The following TEKT2 variants were observed in gnomAD, a reference collection of about 807,000 sequenced individuals.
TEKT2 encodes the protein tektin 2.
A neutral mutation model predicts 49.8 loss-of-function variants in TEKT2; 45 were observed. The observed-to-expected ratio is 0.90, with a 90% CI of 0.71 to 1.16. The LOEUF (loss-of-function observed/expected upper bound fraction) is 1.16, where lower values mean the gene tolerates loss of function less well. Among genes scored for constraint, TEKT2 ranks in the 50% most tolerant of loss-of-function variants. TEKT2 has a pLI of 0.00. For synonymous variants in TEKT2, 202 were observed against 224.6 expected, an observed-to-expected ratio of 0.90 and a Z score of 0.90; for missense variants, 523 against 551.4, an observed-to-expected ratio of 0.95 and a Z score of 0.52.
Position 36,086,850 on chromosome 1 carries a change from A to G in TEKT2, c.632+3A>G. Reference sequence around the variant, plus strand: ...GACCCCACACGTGTACCTGATGGGTAAGAAGAGTGTTTCAGCCAGTCTCTT... The same window carrying G: ...GACCCCACACGTGTACCTGATGGGTGAGAAGAGTGTTTCAGCCAGTCTCTT... On this transcript the variant is annotated splice_donor_region_variant and intron_variant, in intron 5 of 9. Transcript: ENST00000207457. 1.2e-6 allele frequency: 2 copies of G among 1,614,122 alleles called. No individual in the cohort carries two copies. The highest frequency in any genetic ancestry group is 1.7e-6 in the Non-Finnish European group (2 of 1,180,026).
intron 4 of TEKT2, among the ~76,000 whole-genome samples, 157 bp downstream of exon 4, chr1:36,086,198 C>T (rs930196390): frequency 7.9e-5 from 12 of 152,204 alleles, no homozygotes; most frequent in African/African-American, 2.9e-4. Flanking sequence ...AATTGTAGCA[C>T]TCTTCCCACT....
chr1:36,088,128 C>T lies in TEKT2; in HGVS notation c.1235C>T (p.Thr412Ile). 4 of 1,613,096 alleles carry T rather than the reference C, an allele frequency of 2.5e-6. No homozygotes were observed. Among genetic ancestry groups the T allele is most frequent in the Non-Finnish European group, 3.4e-6 (4 of 1,180,016 alleles). Reference protein sequence around the residue: ...ERFVPEVDTFTRTTNSTLSPL... With the variant: ...ERFVPEVDTFIRTTNSTLSPL... ...TTCGTGCCTGAGGTGGACACCTTCA[C>T]ACGTACCACAAATAGCACCCTGAGT... The change falls in exon 10 of 10, where the codon ACA becomes ATA. Residue 412 changes from threonine to isoleucine, a missense_variant. Physicochemically the swap from Thr to Ile is moderately conservative, Grantham distance 89. Coordinates refer to ENST00000207457, the MANE Select transcript of TEKT2 (RefSeq NM_014466.3).
chr1:36,085,815 C>G, intron 3 of TEKT2, 21 bp from the exon 4 acceptor site: 3 of 1,608,672 alleles, frequency 1.9e-6, no homozygotes, highest in Non-Finnish European at 2.5e-6. Context: ...CCACCGTGCC[C>G]GGCCGCGCCC....
rs140991291 is a variant in TEKT2, at chr1:36,086,704, C to A, written c.489C>A (p.Cys163Ter). ...QKVSQAFEQL[C>*]LLQEVQQQLN... Reference sequence around the variant, plus strand: ...CTGATGGAGTCTGCGCTTTCCCCAGCCTCTTGCAGGAAGTCCAACAGCAGC... The same window carrying A: ...CTGATGGAGTCTGCGCTTTCCCCAGACTCTTGCAGGAAGTCCAACAGCAGC... Residue 163 changes from cysteine to a stop codon, truncating the protein, a stop_gained and splice_region_variant, in exon 5 of 10, where the codon TGC (cysteine) becomes TGA (stop). Coordinates refer to ENST00000207457, the MANE Select transcript of TEKT2 (RefSeq NM_014466.3). LOFTEE classifies it high-confidence loss of function. The A allele has an allele frequency of 1.5e-5, 24 of 1,614,074 alleles. 1 individual carries two copies. In the African/African-American group the frequency reaches 2.4e-4, roughly 16 times the overall value.
chr1:36,085,772 G>A (rs1643362082), intron 3 of TEKT2, 64 bp from the exon 4 acceptor site: 7 of 1,523,404 alleles, frequency 4.6e-6, no homozygotes, highest in African/African-American at 1.4e-5. Flanking sequence ...CATCCAACTC[G>A]GCCTCCCGAA....
At chr1:36,085,567 T>A (rs1324067222) in intron 3 of TEKT2, 2 of 520,876 alleles carry the variant, frequency 3.8e-6, no homozygotes, top group African/African-American at 4.3e-5. Flanking sequence ...CAGGCTGGAG[T>A]GCAGTGGTGT....
intron 4 of TEKT2, among the ~76,000 whole-genome samples, 170 bp downstream of exon 4, chr1:36,086,211 C>T (rs1045913288): frequency 6.6e-6 from 1 of 152,198 alleles, no homozygotes; most frequent in East Asian, 1.9e-4. Context: ...TTCCCACTGC[C>T]TGGACATGGG....
chr1:36,084,485 G>A lies in TEKT2; in HGVS notation c.-53+336G>A, dbSNP rs1643335546. On this transcript the variant is annotated intron_variant, in intron 1 of 9. Coordinates refer to ENST00000207457, the MANE Select transcript of TEKT2 (RefSeq NM_014466.3). This position sits in a 1 kb window ranked among gnomAD's most constrained non-coding sequence, Gnocchi z 4.1. ...CACGGGGACTGGCCCGCAGCCTGGG[G>A]AAGAAAGGAAAGGAAGATCAACAAG... 5 of 272,614 alleles carry A rather than the reference G, an allele frequency of 1.8e-5. No individual in the cohort carries two copies. Among genetic ancestry groups the A allele is most frequent in the East Asian group, 9.8e-5 (1 of 10,254 alleles). The allele number at this position is 272,614 out of a possible 1,614,324, so 16.9% of individuals were successfully genotyped here. A position where few individuals can be genotyped will look rare whatever the true frequency, so the allele number is the denominator to read the frequency against.
At chr1:36,085,364 C>T in intron 3 of TEKT2, 76 bp downstream of exon 3, 2 of 1,605,332 alleles carry the variant, frequency 1.2e-6, no homozygotes, top group Non-Finnish European at 1.7e-6. Context: ...GTTGAGAAGC[C>T]CTTGATGGGG....
chr1:36,084,776 A>T lies in TEKT2; in HGVS notation c.-52-94A>T. The T allele has an allele frequency of 1.6e-6, 2 of 1,252,914 alleles. No homozygotes were observed. Among genetic ancestry groups the T allele is most frequent in the Non-Finnish European group, 2.3e-6 (2 of 864,810 alleles). 77.6% of individuals were successfully genotyped at this position (1,252,914 alleles called of 1,614,324 possible). A position where few individuals can be genotyped will look rare whatever the true frequency, so the allele number is the denominator to read the frequency against. ...GCAGGCTTCCAGCAGGACAGGGCTC[A>T]GAGCAAAATGGACAGGAACAAGTCC... On this transcript the variant is annotated intron_variant, in intron 1 of 9. Coordinates refer to ENST00000207457, the MANE Select transcript of TEKT2 (RefSeq NM_014466.3). The surrounding 1 kb of genome is among the most constrained non-coding windows in gnomAD (Gnocchi z 4.1).
chr1:36,087,928 T>C lies in TEKT2; in HGVS notation c.1080-45T>C. ...GAAGGCTATGCACGCAGCCCAGGCC[T>C]CCCAGCCTCATGGGGGCTGGGGGGT... On this transcript the variant is annotated intron_variant, in intron 9 of 9. Coordinates refer to ENST00000207457, the MANE Select transcript of TEKT2 (RefSeq NM_014466.3). This position sits in a 1 kb window ranked among gnomAD's most constrained non-coding sequence, Gnocchi z 4.9. 1 of 1,590,826 alleles carries C rather than the reference T, an allele frequency of 6.3e-7. No individual in the cohort carries two copies. The highest frequency in any genetic ancestry group is 8.6e-7 in the Non-Finnish European group (1 of 1,167,284).
At position 36,085,025 on chromosome 1, in the gene TEKT2, C is replaced by T; in HGVS notation, c.104C>T (p.Ser35Phe). The change falls in exon 2 of 10, where the codon TCC (serine) becomes TTC (phenylalanine). Residue 35 changes from serine to phenylalanine, a missense_variant. Transcript: ENST00000207457. ...STNAQLQRDA[S>F]HQIRQEARVL... is the part of the protein sequence containing the mutation. ...AATGCCCAGCTGCAGCGAGATGCTTCCCATCAGATCCGCCAGGAGGCCCGG... is the reference window on the plus strand; with the variant it reads ...AATGCCCAGCTGCAGCGAGATGCTTTCCATCAGATCCGCCAGGAGGCCCGG... The T allele has an allele frequency of 6.2e-7, 1 of 1,614,098 alleles. No individual in the cohort carries two copies. The highest frequency in any genetic ancestry group is 8.5e-7 in the Non-Finnish European group (1 of 1,180,046).
rs762793938 is a variant in TEKT2, at chr1:36,087,603, C to T, written c.999+21C>T. ...ACCAGGTGAGAGGGTGTCCCAGTGG[C>T]GCACGGGCCCCCTAGCCAAGGTTTT... On this transcript the variant is annotated intron_variant, in intron 8 of 9. Coordinates refer to ENST00000207457, the MANE Select transcript of TEKT2 (RefSeq NM_014466.3). This position sits in a 1 kb window ranked among gnomAD's most constrained non-coding sequence, Gnocchi z 4.9. The T allele has an allele frequency of 2.0e-5, 33 of 1,613,492 alleles. No individual in the cohort carries two copies. Among genetic ancestry groups the T allele is most frequent in the Middle Eastern group, 1.6e-4 (1 of 6,084 alleles).
chr1:36,087,711 A>C lies in TEKT2; in HGVS notation c.1000-17A>C, dbSNP rs1643406167. On this transcript the variant is annotated splice_polypyrimidine_tract_variant and intron_variant, in intron 8 of 9. Transcript: ENST00000207457. This position sits in a 1 kb window ranked among gnomAD's most constrained non-coding sequence, Gnocchi z 4.9. ...ACAGTGTGGCTGACTTGGAACTCCC[A>C]ACCCCTCTGCCTCCAGGCACAGTAC... 3.1e-6 allele frequency: 5 copies of C among 1,613,280 alleles called. No individual in the cohort carries two copies. Among genetic ancestry groups the C allele is most frequent in the Middle Eastern group, 1.6e-4 (1 of 6,082 alleles).
Position 36,087,087 on chromosome 1 carries a change from C to T in TEKT2, c.747+42C>T, listed in dbSNP as rs751061899. 6.2e-7 allele frequency: 1 copy of T among 1,608,462 alleles called. No individual in the cohort carries two copies. The highest frequency in any genetic ancestry group is 8.5e-7 in the Non-Finnish European group (1 of 1,176,164). On this transcript the variant is annotated intron_variant, in intron 6 of 9. Coordinates refer to ENST00000207457, the MANE Select transcript of TEKT2 (RefSeq NM_014466.3). The surrounding 1 kb of genome is among the most constrained non-coding windows in gnomAD (Gnocchi z 4.9). ...AGCTAATGGATGGTCCCAGTGTGCG[C>T]TCAGCCCTTATCTTCTGTTCCCTGC...
intron 4 of TEKT2, 36 bp downstream of exon 4, chr1:36,086,077 C>A: frequency 6.5e-7 from 1 of 1,548,534 alleles, no homozygotes; most frequent in Middle Eastern, 1.7e-4. Context: ...TGTTCATGGG[C>A]CCCTGGAGGC....
chr1:36,086,823 T>G lies in TEKT2; in HGVS notation c.608T>G (p.Val203Gly), dbSNP rs201956071. Residue 203 changes from valine to glycine, a missense_variant, in exon 5 of 10, where the codon GTT (valine) becomes GGT (glycine). Transcript: ENST00000207457. ...AGATCCCCAAACATCTCGCTGAAGG[T>G]TGACCCCACACGTGTACCTGATGGG... Reference protein sequence around the residue: ...NLRSPNISLKVDPTRVPDGST... With the variant: ...NLRSPNISLKGDPTRVPDGST... 2.5e-6 allele frequency: 4 copies of G among 1,614,112 alleles called. No homozygotes were observed. In the East Asian group the frequency reaches 8.9e-5, roughly 36 times the overall value.
chr1:36,086,005 T>C lies in TEKT2; in HGVS notation c.452T>C (p.Leu151Ser). 1 of 1,602,670 alleles carries C rather than the reference T, an allele frequency of 6.2e-7. No homozygotes were observed. ...VEVIEATKKA[L>S]QQKVSQAFEQ... Reference sequence around the variant, plus strand: ...GTCATCGAGGCCACCAAGAAGGCCTTGCAACAGAAGGTCAGCCAGGCCTTC... The same window carrying C: ...GTCATCGAGGCCACCAAGAAGGCCTCGCAACAGAAGGTCAGCCAGGCCTTC... Residue 151 changes from leucine (L) to serine (S), a missense_variant, in exon 4 of 10, where the codon TTG becomes TCG. Physicochemically the swap from Leu to Ser is moderately radical, Grantham distance 145 (BLOSUM62 -2). Coordinates refer to ENST00000207457, the MANE Select transcript of TEKT2 (RefSeq NM_014466.3).
intron 3 of TEKT2, 138 bp downstream of exon 3, chr1:36,085,426 A>T (rs1643354017): frequency 7.7e-7 from 1 of 1,307,146 alleles, no homozygotes; most frequent in South Asian, 1.2e-5. Flanking sequence ...TAAAGTGGGG[A>T]CAAGCGCTAC....
Sources: gnomAD v4.1 joint callset for allele counts (sites outside exome capture counted in the v4.1 genomes callset) on GRCh38, gnomAD v4.1.1 for gene constraint, Gnocchi (gnomAD v3.1) non-coding constraint, MANE v1.5 for transcripts, NCBI Gene and HGNC (gene_info 2026-07-23, HGNC 2026-07-21) for gene names.